Variants in PPP2R3B observed in about 807,000 individuals in gnomAD.
PPP2R3B encodes protein phosphatase 2 regulatory subunit B''beta, also known as serine/threonine-protein phosphatase 2A regulatory subunit B'' subunit beta.
In PPP2R3B, 68 loss-of-function variants were observed where a neutral mutation model predicts 72.9. That is an observed-to-expected ratio of 0.93 (90% confidence interval 0.77 to 1.14). PPP2R3B has a LOEUF of 1.14. PPP2R3B is among the 50% of genes most tolerant of loss of function. PPP2R3B has a pLI of 0.00. For synonymous variants in PPP2R3B, 466 were observed against 375.8 expected (o/e 1.24, Z -2.78); for missense variants, 1,018 against 842.0 (o/e 1.21, Z -2.59).
At chrX:341,509 C>T in intron 8 of PPP2R3B, 113 bp from the exon 9 acceptor site, 1 of 1,103,504 alleles carries the variant, frequency 9.1e-7, no homozygotes, top group Non-Finnish European at 1.4e-6. Flanking sequence ...CCCGGCCCTC[C>T]TCCTGCCCCC....
At position 340,943 on chromosome X, in the gene PPP2R3B, G is replaced by T; in HGVS notation, c.1176-3C>A. ...TGCAGCGGAACCAGTACTCGATGCT[G>T]CGGCACGGCGAGCTCTGTCAGCCCC... On this transcript the variant is annotated splice_region_variant and splice_polypyrimidine_tract_variant and intron_variant, in intron 9 of 12. Transcript: ENST00000390665. 1 of 1,607,878 alleles carries T rather than the reference G, an allele frequency of 6.2e-7. No homozygotes were observed.
At chrX:369,936 C>T (rs1056249934) in intron 1 of PPP2R3B, among the ~76,000 whole-genome samples, 3 of 152,142 alleles carry the variant, frequency 2.0e-5, no homozygotes, top group African/African-American at 2.4e-5. Context: ...TTGGCCGGGA[C>T]GCACACTCAT....
chrX:347,863 C>A lies in PPP2R3B; in HGVS notation c.511-170G>T, dbSNP rs1276448234. On this transcript the variant is annotated intron_variant, in intron 2 of 12. Transcript: ENST00000390665. The stretch of plus-strand genomic sequence containing the variant: ...TGCAAACTCAACGTGGCTTTCGCTC[C>A]AGCCTTCAATCAGTCATGAGAGCTG... 3.4e-5 allele frequency: 20 copies of A among 581,270 alleles called. 1 individual carries two copies. The South Asian group carries it at 4.6e-4, about 13-fold the overall frequency. The allele number at this position is 581,270 out of a possible 1,614,324, so 36.0% of individuals were successfully genotyped here. A position where few individuals can be genotyped will look rare whatever the true frequency, so the allele number is the denominator to read the frequency against.
At position 340,248 on chromosome X, in the gene PPP2R3B, G is replaced by A. The variant is rs1403083030; in HGVS notation, c.1351+517C>T. Among the ~76,000 whole-genome samples, 3 of 134,536 alleles carry A rather than the reference G, an allele frequency of 2.2e-5. 1 individual carries two copies. Among genetic ancestry groups the A allele is most frequent in the East Asian group, 2.4e-4 (1 of 4,216 alleles). The allele number at this position is 134,536 out of a possible 152,430, so 88.3% of individuals were successfully genotyped here. A position where few individuals can be genotyped will look rare whatever the true frequency, so the allele number is the denominator to read the frequency against. On this transcript the variant is annotated intron_variant, in intron 10 of 12. Transcript: ENST00000390665. ...GGACCGCCTTGTGCGGCATCAGCACGAACGTGGCAACTGCTCCCTCAGCCC... is the reference window on the plus strand; with the variant it reads ...GGACCGCCTTGTGCGGCATCAGCACAAACGTGGCAACTGCTCCCTCAGCCC...
chrX:381,929 C>T (rs752304995), intron 1 of PPP2R3B, among the ~76,000 whole-genome samples: 1 of 152,282 alleles, frequency 6.6e-6, no homozygotes, highest in African/African-American at 2.4e-5. Flanking sequence ...AATGAACAGA[C>T]ACATCTTTCT....
intron 1 of PPP2R3B, among the ~76,000 whole-genome samples, chrX:369,208 T>C (rs761024847): frequency 6.6e-6 from 1 of 152,224 alleles, no homozygotes; most frequent in African/African-American, 2.4e-5. Flanking sequence ...CAGCTGCATG[T>C]ATGTGGAAGA....
At chrX:375,559 C>T (rs867825007) in intron 1 of PPP2R3B, among the ~76,000 whole-genome samples, 1 of 144,044 alleles carries the variant, frequency 6.9e-6, no homozygotes, top group Non-Finnish European at 1.5e-5. Context: ...CGATGCGGGG[C>T]GCAAACTCAC....
At chrX:385,003 A>AC (rs1253004023) in intron 1 of PPP2R3B, among the ~76,000 whole-genome samples, 1 of 151,126 alleles carries the variant, frequency 6.6e-6, no homozygotes, top group Non-Finnish European at 1.5e-5. Flanking sequence ...AAAAAAAAAA[A>AC]AAACTGATTG....
At chrX:345,752 G>GT (rs1159462788) in intron 6 of PPP2R3B, 80 bp from the exon 7 acceptor site, 1 of 1,117,348 alleles carries the variant, frequency 8.9e-7, no homozygotes, top group African/African-American at 1.6e-5. Flanking sequence ...GCGGGGCAGG[G>GT]AAGGCTGGGA....
chrX:335,574 A>G, intron 12 of PPP2R3B: 1 of 152,244 alleles, frequency 6.6e-6, no homozygotes, highest in Admixed American at 6.5e-5. Flanking sequence ...AACGGTAACC[A>G]GAAAGTATTT....
chrX:370,711 G>C (rs1430041993), intron 1 of PPP2R3B, among the ~76,000 whole-genome samples: 18 of 152,174 alleles, frequency 1.2e-4, no homozygotes, highest in Non-Finnish European at 1.9e-4. Flanking sequence ...ATCCTGGGCA[G>C]CGTCCTGGCC....
intron 2 of PPP2R3B, among the ~76,000 whole-genome samples, chrX:355,581 C>A (rs1189513061): frequency 2.0e-5 from 3 of 152,172 alleles, no homozygotes; most frequent in South Asian, 4.1e-4. Flanking sequence ...TGCACGCGCA[C>A]ACGGAACACC....
In PPP2R3B at chrX:341,895, C is replaced by A. The variant is rs747418377; in HGVS notation, c.1073G>T (p.Gly358Val). Residue 358 changes from glycine to valine, a missense_variant, in exon 8 of 13, where the codon GGA (glycine) becomes GTA (valine). Physicochemically the swap from Gly to Val is moderately radical, Grantham distance 109. Transcript: ENST00000390665. ...STKMIDRIFS[G>V]AVTRGRKVQK... ...GAGCCGTACGTACCGTGTGACTGCT[C>A]CTGAGAAGATCCTGTCTATCATCTT... is the stretch of plus-strand genomic sequence containing the variant. The A allele has an allele frequency of 1.9e-6, 3 of 1,612,600 alleles. No homozygotes were observed. Among genetic ancestry groups the A allele is most frequent in the African/African-American group, 1.3e-5 (1 of 74,940 alleles).
intron 10 of PPP2R3B, 137 bp from the exon 11 acceptor site, chrX:339,033 G>A (rs769900928): frequency 9.5e-5 from 73 of 764,984 alleles, no homozygotes; most frequent in African/African-American, 5.5e-4. Context: ...CGTGTTTGAC[G>A]TGAAAGGCGG....
At position 364,613 on chromosome X, in the gene PPP2R3B, G is replaced by A. The variant is rs1389994750; in HGVS notation, c.325-3023C>T. 2.0e-5 allele frequency among the ~76,000 whole-genome samples: 3 copies of A among 147,968 alleles called. 1 individual carries two copies. The highest frequency in any genetic ancestry group is 7.5e-5 in the African/African-American group (3 of 39,834). ...GGTGCCTGTACTCCCAGCTACTCGG[G>A]AGGCTGAGGCAGGAGAATCGCTTCA... On this transcript the variant is annotated intron_variant, in intron 1 of 12. Transcript: ENST00000390665.
Position 334,354 on chromosome X carries a change from C to T in PPP2R3B, c.*13G>A. 6.8e-7 allele frequency: 1 copy of T among 1,467,614 alleles called. No homozygotes were observed. The highest frequency in any genetic ancestry group is 8.9e-7 in the Non-Finnish European group (1 of 1,120,344). 90.9% of individuals were successfully genotyped at this position (1,467,614 alleles called of 1,614,324 possible). A position where few individuals can be genotyped will look rare whatever the true frequency, so the allele number is the denominator to read the frequency against. On this transcript the variant is annotated 3_prime_UTR_variant, in exon 13 of 13. Coordinates refer to ENST00000390665, the MANE Select transcript of PPP2R3B (RefSeq NM_013239.5). ...TGGGGAGCGGCCCCGCGGCGGCGTT[C>T]TCGCGGGCGGCGTCACAGCGGCTCC...
At chrX:379,337 C>T (rs772014403) in intron 1 of PPP2R3B, among the ~76,000 whole-genome samples, 2 of 141,056 alleles carry the variant, frequency 1.4e-5, no homozygotes, top group African/African-American at 5.7e-5. Flanking sequence ...GTGTATGCAC[C>T]TGTTATGCAC....
intron 1 of PPP2R3B, among the ~76,000 whole-genome samples, chrX:363,119 T>A (rs1297471143): frequency 6.6e-6 from 1 of 151,128 alleles, no homozygotes; most frequent in Non-Finnish European, 1.5e-5. Flanking sequence ...AGCTGCCGAC[T>A]GAGTGCTCCT....
intron 12 of PPP2R3B, chrX:335,092 GCCC>G (rs2070853503): frequency 6.6e-6 from 1 of 152,342 alleles, no homozygotes; most frequent in African/African-American, 2.4e-5. Context: ...TTTCCAAGAC[GCCC>G]CCGACAGCCT....
Sources: allele counts gnomAD v4.1 joint callset (sites outside exome capture counted in the v4.1 genomes callset), GRCh38; gene constraint gnomAD v4.1.1; transcripts MANE v1.5; gene names NCBI Gene and HGNC (gene_info 2026-07-23, HGNC 2026-07-21).